BICRAL: variants seen among roughly 807,000 people sequenced by gnomAD.
BICRAL encodes the protein BRD4-interacting chromatin-remodeling complex-associated protein-like.
A neutral mutation model predicts 91.8 loss-of-function variants in BICRAL; 8 were observed. The observed-to-expected ratio is 0.09, with a 90% CI of 0.05 to 0.16. The LOEUF is 0.16. BICRAL is among the 10% of genes least tolerant of loss of function. The probability of loss-of-function intolerance (pLI) is 1.00; values close to 1 mark genes in which losing one functional copy is unlikely to be tolerated. For synonymous variants in BICRAL, 445 were observed against 491.1 expected, an observed-to-expected ratio of 0.91 and a Z score of 1.24; for missense variants, 1,038 against 1,310.9, an observed-to-expected ratio of 0.79 and a Z score of 3.21.
chr6:42,785,272 C>T (rs892591233), intron 1 of BICRAL, among the ~76,000 whole-genome samples: 2 of 151,980 alleles, frequency 1.3e-5, no homozygotes, highest in African/African-American at 2.4e-5. Context: ...ACAAACGTAG[C>T]CTTGAGGCCT....
intron 6 of BICRAL, among the ~76,000 whole-genome samples, chr6:42,831,929 G>A (rs1054389221): frequency 1.3e-5 from 2 of 151,720 alleles, no homozygotes; most frequent in African/African-American, 2.4e-5. Context: ...TTGATAGGCA[G>A]GGTTTCACCA....
chr6:42,853,825 G>A (rs1277315011), intron 8 of BICRAL, 87 bp downstream of exon 8: 5 of 970,466 alleles, frequency 5.2e-6, no homozygotes, highest in Non-Finnish European at 8.1e-6. Flanking sequence ...TTGCTGGCTA[G>A]CTTTGTGTGC....
intron 1 of BICRAL, among the ~76,000 whole-genome samples, chr6:42,759,470 TA>T (rs1762511390): frequency 6.6e-6 from 1 of 151,450 alleles, no homozygotes; most frequent in Admixed American, 6.6e-5. Context: ...ATGATGGGAG[TA>T]AAGATAGAGG....
At chr6:42,758,971 A>G (rs1762502637) in intron 1 of BICRAL, among the ~76,000 whole-genome samples, 1 of 152,236 alleles carries the variant, frequency 6.6e-6, no homozygotes, top group Admixed American at 6.5e-5. Flanking sequence ...CATGAGACAG[A>G]GACGTGTCAG....
chr6:42,753,666 C>T (rs962593988), intron 1 of BICRAL, among the ~76,000 whole-genome samples: 2 of 151,980 alleles, frequency 1.3e-5, no homozygotes, highest in Non-Finnish European at 2.9e-5. Context: ...GGCTGGAGTG[C>T]GGTGGCACGA....
rs772075166 is a variant in BICRAL at position 42,866,854 on chromosome 6, G to T, written c.*1408G>T. On this transcript the variant is annotated 3_prime_UTR_variant, in exon 13 of 13. Coordinates refer to ENST00000314073, the MANE Select transcript of BICRAL (RefSeq NM_001393499.1). ...TGTTACCTTTATTCTTAATGTCATTGTAACCATCACTTATCTCCTCTCATT... is the reference window on the plus strand; with the variant it reads ...TGTTACCTTTATTCTTAATGTCATTTTAACCATCACTTATCTCCTCTCATT... The T allele has an allele frequency of 4.4e-6, 2 of 456,230 alleles. No homozygotes were observed. The highest frequency in any genetic ancestry group is 3.1e-5 in the South Asian group (2 of 64,554). The allele number at this position is 456,230 out of a possible 1,614,324, so 28.3% of individuals were successfully genotyped here.
intron 1 of BICRAL, among the ~76,000 whole-genome samples, chr6:42,797,690 T>G (rs138136163): frequency 6.6e-6 from 1 of 152,278 alleles, no homozygotes; most frequent in Admixed American, 6.5e-5. Context: ...TAAATTGTTA[T>G]AGGCCTGGTG....
intron 8 of BICRAL, 110 bp from the exon 9 acceptor site, chr6:42,855,746 A>T: frequency 1.2e-6 from 1 of 828,778 alleles, no homozygotes; most frequent in Non-Finnish European, 2.0e-6. Flanking sequence ...GTAGTCTTAG[A>T]ATATGTTCTT....
intron 1 of BICRAL, among the ~76,000 whole-genome samples, chr6:42,786,261 T>G (rs1032074111): frequency 1.3e-5 from 2 of 152,242 alleles, no homozygotes; most frequent in Non-Finnish European, 2.9e-5. Flanking sequence ...GTCAGAATTA[T>G]ACCATCTTTG....
intron 1 of BICRAL, among the ~76,000 whole-genome samples, chr6:42,804,613 G>T (rs1193654103): frequency 6.6e-6 from 1 of 152,154 alleles, no homozygotes; most frequent in African/African-American, 2.4e-5. Context: ...TCAAATAATT[G>T]AAAAACTGAT....
intron 1 of BICRAL, among the ~76,000 whole-genome samples, chr6:42,763,613 G>T (rs563805501): frequency 1.3e-5 from 2 of 152,038 alleles, no homozygotes; most frequent in Non-Finnish European, 2.9e-5. Flanking sequence ...TTGAGGTCAG[G>T]AGTTCAAGAC....
At chr6:42,791,981 A>G (rs775163247) in intron 1 of BICRAL, among the ~76,000 whole-genome samples, 1 of 152,218 alleles carries the variant, frequency 6.6e-6, no homozygotes, top group Non-Finnish European at 1.5e-5. Flanking sequence ...TGGATACTGT[A>G]GGTAACTGTA....
intron 1 of BICRAL, among the ~76,000 whole-genome samples, chr6:42,782,553 T>G (rs1762946307): frequency 6.7e-6 from 1 of 149,324 alleles, no homozygotes; most frequent in South Asian, 2.2e-4. Context: ...CCCGGCGCCT[T>G]TCTTTTTCCT....
Position 42,789,129 on chromosome 6 carries a change from G to C in BICRAL, c.-102+7028G>C, listed in dbSNP as rs561588880. Among the ~76,000 whole-genome samples, 25 of 152,298 alleles carry C rather than the reference G, an allele frequency of 1.6e-4. No individual in the cohort carries two copies. In the South Asian group the frequency reaches 4.1e-3, roughly 25 times the overall value. On this transcript the variant is annotated intron_variant, in intron 1 of 12. Coordinates refer to ENST00000314073, the MANE Select transcript of BICRAL (RefSeq NM_001393499.1). ...CCATGAAAATCATTACTGGCTTAAA[G>C]TGAGTTAATGGGCGCAGAGTTTCAG...
chr6:42,779,223 A>AACACACACAC (rs57493144), upstream of BICRAL, among the ~76,000 whole-genome samples: 52 of 132,438 alleles, frequency 3.9e-4, no homozygotes, highest in Non-Finnish European at 6.2e-4. Flanking sequence ...TCTCAAGAAA[A>AACACACACAC]ACACACACAC....
intron 2 of BICRAL, among the ~76,000 whole-genome samples, chr6:42,813,150 G>A (rs1287209510): frequency 3.9e-5 from 6 of 152,122 alleles, no homozygotes; most frequent in Admixed American, 3.9e-4. Flanking sequence ...CAAAGAAGAG[G>A]GAGGGGCATA....
Position 42,864,793 on chromosome 6 carries a change from G to A in BICRAL, c.2587G>A (p.Asp863Asn). ...ACCGCCAGCCAAGGCCCAAGGCAGA[G>A]ACCGAGCCAAAACCGGTGTGACGGA... Reference protein sequence around the residue: ...LQPPAKAQGRDRAKTGVTEPM... With the variant: ...LQPPAKAQGRNRAKTGVTEPM... Residue 863 changes from aspartate to asparagine, a missense_variant, in exon 13 of 13, where the codon GAC becomes AAC. Around this residue, in one of 5 missense-constraint regions of BICRAL, gnomAD observed 294 missense variants for 292.6 expected, o/e 1.00. Transcript: ENST00000314073. 6.2e-7 allele frequency: 1 copy of A among 1,614,206 alleles called. No homozygotes were observed. Among genetic ancestry groups the A allele is most frequent in the Non-Finnish European group, 8.5e-7 (1 of 1,180,036 alleles).
chr6:42,826,231 C>CTTTTTTTTTT (rs763034286), intron 5 of BICRAL, among the ~76,000 whole-genome samples: 1 of 116,892 alleles, frequency 8.6e-6, no homozygotes, highest in Non-Finnish European at 1.9e-5. Flanking sequence ...AACTCATGTT[C>CTTTTTTTTTT]TTTTTTTTTT....
chr6:42,821,235 G>A (rs1209514849), intron 2 of BICRAL: 1 of 152,340 alleles, frequency 6.6e-6, no homozygotes, highest in Non-Finnish European at 1.5e-5. Flanking sequence ...AGTCTGTGGG[G>A]AGAGCTGCTC....
Sources: gnomAD v4.1 joint callset for allele counts (sites outside exome capture counted in the v4.1 genomes callset) on GRCh38, gnomAD v4.1.1 for gene constraint, gnomAD v4.1.1 regional missense constraint, MANE v1.5 for transcripts, NCBI Gene and HGNC (gene_info 2026-07-23, HGNC 2026-07-21) for gene names.